Variants in PLEKHS1 observed in about 807,000 individuals in gnomAD.
PLEKHS1 encodes the protein pleckstrin homology domain containing S1, also known as pleckstrin homology domain-containing family S member 1.
In PLEKHS1, 55 loss-of-function variants were observed where a neutral mutation model predicts 51.0. The ratio of observed to expected loss-of-function variants is 1.08; its 90% CI spans 0.87 to 1.35. The LOEUF (loss-of-function observed/expected upper bound fraction) is 1.35, where lower values mean the gene tolerates loss of function less well. Ranked by LOEUF, PLEKHS1 falls within the 40% of genes most tolerant of loss-of-function variation. The pLI is 0.00. For missense variants in PLEKHS1, 398 were observed against 423.0 expected (o/e 0.94, Z 0.52); for synonymous variants, 153 against 144.8 (o/e 1.06, Z -0.41).
rs1425856072 is a variant in PLEKHS1, at chr10:113,777,208, CCA to C, written c.1091+1343_1091+1344del. 3 of 1,612,696 alleles carry C rather than the reference CCA, an allele frequency of 1.9e-6. No individual in the cohort carries two copies. The African/African-American group carries it at 4.0e-5, about 22-fold the overall frequency. On this transcript the variant is annotated intron_variant, in intron 11 of 11. Coordinates refer to ENST00000361048, the Ensembl canonical transcript of PLEKHS1. ...TTCTGGCAGTGAATGACCTGAAACC[CCA>C]GAGCCTGGAGGAGGTCTCCCTGTTT...
chr10:113,769,398 T>C (rs1393856426), intron 6 of PLEKHS1, among the ~76,000 whole-genome samples: 2 of 152,218 alleles, frequency 1.3e-5, no homozygotes, highest in African/African-American at 4.8e-5. Context: ...CCTAGGTATC[T>C]TTTTTTGACA....
intron 11 of PLEKHS1, among the ~76,000 whole-genome samples, chr10:113,779,484 A>T (rs7093565): frequency 2.0e-5 from 3 of 151,494 alleles, no homozygotes; most frequent in Non-Finnish European, 2.9e-5. Flanking sequence ...GCAGGAGAAT[A>T]GCTTGAACCC....
exon 5 of PLEKHS1, chr10:113,767,459 C>T (rs1222360621): frequency 3.7e-6 from 6 of 1,612,510 alleles, no homozygotes; most frequent in Admixed American, 1.7e-5. Flanking sequence ...ACAGGGAATA[C>T]TTCCTCATTG....
intron 1 of PLEKHS1, among the ~76,000 whole-genome samples, chr10:113,754,305 A>G (rs1423347407): frequency 2.0e-5 from 3 of 152,040 alleles, no homozygotes; most frequent in African/African-American, 7.2e-5. Context: ...AGGGCCTTCT[A>G]TTTTGAGAGT....
intron 4 of PLEKHS1, among the ~76,000 whole-genome samples, chr10:113,766,975 A>T (rs1844192753): frequency 6.6e-6 from 1 of 152,324 alleles, no homozygotes; most frequent in East Asian, 1.9e-4. Context: ...TGATTCACAT[A>T]ATTTGTGGAT....
intron 5 of PLEKHS1, among the ~76,000 whole-genome samples, chr10:113,768,186 C>G (rs1299766014): frequency 6.6e-6 from 1 of 152,126 alleles, no homozygotes; most frequent in Non-Finnish European, 1.5e-5. Context: ...ACTAGGCTTG[C>G]CCCCAAAGTA....
At chr10:113,757,576 G>A (rs541125408) in intron 2 of PLEKHS1, among the ~76,000 whole-genome samples, 23 of 152,324 alleles carry the variant, frequency 1.5e-4, no homozygotes, top group Non-Finnish European at 2.6e-4. Flanking sequence ...CTGGCAGAGG[G>A]TCTTGCCTCG....
rs112425111 is a variant in PLEKHS1, at chr10:113,777,462, T to C, written c.1091+1596T>C. 7.4e-4 allele frequency: 1,185 copies of C among 1,599,206 alleles called. 11 individuals carry two copies. The African/African-American group carries it at 0.014, about 18-fold the overall frequency. On this transcript the variant is annotated intron_variant, in intron 11 of 11. Coordinates refer to ENST00000361048, the Ensembl canonical transcript of PLEKHS1. ...GTAGCATTTGGAGAAGGCACTGAGCTAAGAGACAGAGCACCTGGGTTCAGG... is the reference window on the plus strand; with the variant it reads ...GTAGCATTTGGAGAAGGCACTGAGCCAAGAGACAGAGCACCTGGGTTCAGG...
At chr10:113,777,968 A>T in intron 11 of PLEKHS1, 1 of 354,668 alleles carries the variant, frequency 2.8e-6, no homozygotes, top group Non-Finnish European at 5.3e-6. Flanking sequence ...CCAGCCTGGA[A>T]GACAGAGCGA....
intron 8 of PLEKHS1, among the ~76,000 whole-genome samples, chr10:113,773,909 T>C (rs963067414): frequency 1.3e-5 from 2 of 152,176 alleles, no homozygotes; most frequent in Non-Finnish European, 2.9e-5. Flanking sequence ...GTAGAACTGA[T>C]TGGGGAAATG....
chr10:113,775,239 C>A (rs73361859), intron 10 of PLEKHS1, among the ~76,000 whole-genome samples: 1 of 151,746 alleles, frequency 6.6e-6, no homozygotes, highest in East Asian at 1.9e-4. Context: ...GTTCCTGGGG[C>A]GGGGGGTGGC....
chr10:113,770,754 AG>A (rs2134542683), intron 7 of PLEKHS1, among the ~76,000 whole-genome samples: 1 of 152,282 alleles, frequency 6.6e-6, no homozygotes, highest in South Asian at 2.1e-4. Flanking sequence ...CTTGTCTGTA[AG>A]TGCCTCTTGC....
chr10:113,766,691 A>G, exon 4 of PLEKHS1: 7 of 1,611,630 alleles, frequency 4.3e-6, no homozygotes, highest in Non-Finnish European at 5.9e-6. Context: ...AAAGACCATC[A>G]TCACCGAGGT....
Position 113,767,545 on chromosome 10 carries a change from A to G in PLEKHS1, c.359+66A>G. ...AAACAAAAACAAACCAAAAAACAAA[A>G]CATTTTATACCAATAAACATGTTCT... is the stretch of plus-strand genomic sequence containing the variant. On this transcript the variant is annotated intron_variant, in intron 5 of 11. Transcript: ENST00000361048. 9 of 1,451,684 alleles carry G rather than the reference A, an allele frequency of 6.2e-6. No homozygotes were observed. In the South Asian group the frequency reaches 7.2e-5, roughly 12 times the overall value. The allele number at this position is 1,451,684 out of a possible 1,614,324, so 89.9% of individuals were successfully genotyped here. A position where few individuals can be genotyped will look rare whatever the true frequency, so the allele number is the denominator to read the frequency against.
intron 11 of PLEKHS1, chr10:113,777,950 A>T (rs1231606763): frequency 9.8e-6 from 4 of 409,198 alleles, no homozygotes; most frequent in Admixed American, 3.9e-5. Flanking sequence ...TGATTGCACC[A>T]CTGCACTCCA....
In PLEKHS1 at chr10:113,774,999, CCTCA is replaced by C. The variant is rs1372551163; in HGVS notation, c.956_959del (p.Ser319Ter). On this transcript the variant is annotated frameshift_variant, in exon 10 of 12. Coordinates refer to ENST00000361048, the Ensembl canonical transcript of PLEKHS1. LOFTEE classifies it high-confidence loss of function. ...ACCACAAATGACCAAAAGGGGTCGGCCTCACTAACTGTTGTGCAATTGTCTATAT... is the reference window on the plus strand; with the variant it reads ...ACCACAAATGACCAAAAGGGGTCGGCCTAACTGTTGTGCAATTGTCTATAT... 1.2e-6 allele frequency: 2 copies of C among 1,614,114 alleles called. No individual in the cohort carries two copies. The highest frequency in any genetic ancestry group is 1.7e-6 in the Non-Finnish European group (2 of 1,180,016).
At chr10:113,761,166 C>T (rs557996681) in intron 2 of PLEKHS1, among the ~76,000 whole-genome samples, 64 of 152,240 alleles carry the variant, frequency 4.2e-4, no homozygotes, top group Non-Finnish European at 4.1e-4. Context: ...TATACCAAAA[C>T]GACACTCTTG....
intron 2 of PLEKHS1, among the ~76,000 whole-genome samples, chr10:113,758,536 T>C (rs114905325): frequency 0.015 from 2,278 of 152,312 alleles, 49 homozygotes; most frequent in African/African-American, 0.044. Flanking sequence ...GTTGCACTGA[T>C]AGAGCACAAG....
intron 1 of PLEKHS1, among the ~76,000 whole-genome samples, chr10:113,753,512 G>A (rs1487141528): frequency 6.6e-6 from 1 of 152,208 alleles, no homozygotes; most frequent in African/African-American, 2.4e-5. Context: ...GCACAGAGCT[G>A]AGTGTGCCCG....
Sources: gnomAD v4.1 joint callset for allele counts (sites outside exome capture counted in the v4.1 genomes callset) on GRCh38, gnomAD v4.1.1 for gene constraint, MANE v1.5 for transcripts, NCBI Gene and HGNC (gene_info 2026-07-23, HGNC 2026-07-21) for gene names.